The following TPGS2 variants were observed in gnomAD, a reference collection of about 807,000 sequenced individuals.
The protein encoded by TPGS2 is tubulin polyglutamylase complex subunit 2, also known as polyglutamylase subunit 2.
A neutral mutation model predicts 31.1 loss-of-function variants in TPGS2; 26 were observed. The observed-to-expected ratio is 0.84, with a 90% CI of 0.61 to 1.16. The LOEUF is 1.16. TPGS2 is among the 50% of genes most tolerant of loss of function. The pLI is 0.00. For synonymous variants in TPGS2, 130 were observed against 136.6 expected (o/e 0.95, Z 0.34); for missense variants, 351 against 363.8 (o/e 0.96, Z 0.29).
At chr18:36,780,138 T>G (rs79868677), downstream of TPGS2, 1,020 of 1,232,146 alleles carry the variant, frequency 8.3e-4, 9 homozygotes, top group East Asian at 0.026. Context: ...AAAACTCTTC[T>G]CAGTGTCCTC....
intron 6 of TPGS2, 88 bp from the exon 7 acceptor site, chr18:36,797,138 G>T: frequency 6.4e-7 from 1 of 1,562,914 alleles, no homozygotes; most frequent in South Asian, 1.3e-5. Flanking sequence ...GGAGAGTTGG[G>T]AACAGGAGGC....
Position 36,796,218 on chromosome 18 carries a change from C to A in TPGS2, c.*587G>T. The A allele has an allele frequency of 1.0e-6, 1 of 985,336 alleles. No homozygotes were observed. The highest frequency in any genetic ancestry group is 1.2e-6 in the Non-Finnish European group (1 of 829,912). 61.0% of individuals were successfully genotyped at this position (985,336 alleles called of 1,614,324 possible). A position where few individuals can be genotyped will look rare whatever the true frequency, so the allele number is the denominator to read the frequency against. ...CATCCAATGAAGACATCAACATTAA[C>A]AACAAAAATTAATTGAGGAAGAGCA... is the stretch of plus-strand genomic sequence containing the variant. On this transcript the variant is annotated 3_prime_UTR_variant, in exon 7 of 7. Transcript: ENST00000334295.
At chr18:36,782,909 C>G (rs1237917904), downstream of TPGS2, 7 of 392,298 alleles carry the variant, frequency 1.8e-5, no homozygotes, top group African/African-American at 4.1e-5. Context: ...TGCCACTTCT[C>G]TCTTTTTTCT....
chr18:36,810,168 A>G (rs903641449), intron 2 of TPGS2, among the ~76,000 whole-genome samples: 1 of 152,058 alleles, frequency 6.6e-6, no homozygotes, highest in African/African-American at 2.4e-5. Flanking sequence ...TGCCCCAAGC[A>G]CCCCTGGGGC....
intron 4 of TPGS2, among the ~76,000 whole-genome samples, chr18:36,802,209 T>C (rs989526357): frequency 6.6e-6 from 1 of 152,196 alleles, no homozygotes; most frequent in Non-Finnish European, 1.5e-5. Flanking sequence ...TTGGATGAAA[T>C]AAAAAGTCCA....
chr18:36,797,603 A>G (rs1030951502), intron 6 of TPGS2, among the ~76,000 whole-genome samples: 1 of 149,582 alleles, frequency 6.7e-6, no homozygotes, highest in Non-Finnish European at 1.5e-5. Context: ...TTGACCAGAT[A>G]AATGTTATAA....
chr18:36,827,474 A>G (rs1468878644), intron 1 of TPGS2, among the ~76,000 whole-genome samples: 1 of 152,248 alleles, frequency 6.6e-6, no homozygotes, highest in Admixed American at 6.5e-5. Context: ...AGCAAACTGC[A>G]AAAGCCCTGA....
intron 6 of TPGS2, among the ~76,000 whole-genome samples, chr18:36,785,383 TC>T (rs1380215384): frequency 6.6e-6 from 1 of 152,216 alleles, no homozygotes; most frequent in Non-Finnish European, 1.5e-5. Context: ...TAACTGGTCA[TC>T]CATCCCACAT....
At chr18:36,780,802 T>C (rs1277375437), downstream of TPGS2, among the ~76,000 whole-genome samples, 3 of 152,178 alleles carry the variant, frequency 2.0e-5, no homozygotes, top group Admixed American at 6.5e-5. Context: ...TGCCCCTCTA[T>C]AGGGCACTTA....
chr18:36,790,377 T>G (rs1052172855), downstream of TPGS2, among the ~76,000 whole-genome samples: 1 of 152,232 alleles, frequency 6.6e-6, no homozygotes, highest in African/African-American at 2.4e-5. Flanking sequence ...GATTATGTAG[T>G]TGGTTGGATA....
intron 6 of TPGS2, 62 bp from the exon 7 acceptor site, chr18:36,797,112 C>T: frequency 6.3e-7 from 1 of 1,581,390 alleles, no homozygotes; most frequent in Non-Finnish European, 8.5e-7. Context: ...TCTGTGTGCT[C>T]TTTTTGTGGG....
intron 6 of TPGS2, among the ~76,000 whole-genome samples, chr18:36,783,756 C>G (rs2044068424): frequency 6.6e-6 from 1 of 152,130 alleles, no homozygotes; most frequent in Non-Finnish European, 1.5e-5. Context: ...CACCAAATAC[C>G]ACTGTAACAG....
intron 3 of TPGS2, 35 bp from the exon 4 acceptor site, chr18:36,805,537 G>A (rs766350480): frequency 2.5e-6 from 4 of 1,612,744 alleles, no homozygotes; most frequent in Non-Finnish European, 2.5e-6. Context: ...ATTACATGGA[G>A]TAACAGCCTA....
downstream of TPGS2, chr18:36,780,051 A>T (rs982420352): frequency 5.5e-6 from 5 of 905,646 alleles, no homozygotes; most frequent in African/African-American, 8.6e-5. Flanking sequence ...ATAGAGTTTA[A>T]TGCCATAATG....
intron 5 of TPGS2, among the ~76,000 whole-genome samples, chr18:36,799,806 T>C (rs556865910): frequency 1.5e-3 from 236 of 152,290 alleles, no homozygotes; most frequent in Non-Finnish European, 2.8e-3. Flanking sequence ...CAGGGGTCTT[T>C]GGTCTAGTAA....
chr18:36,814,535 T>C (rs922024476), intron 2 of TPGS2, among the ~76,000 whole-genome samples: 3 of 152,232 alleles, frequency 2.0e-5, no homozygotes, highest in South Asian at 2.1e-4. Context: ...AGATTACACC[T>C]GGACGAGTCC....
At chr18:36,820,126 G>A (rs1395223595) in intron 1 of TPGS2, among the ~76,000 whole-genome samples, 3 of 152,198 alleles carry the variant, frequency 2.0e-5, no homozygotes, top group Non-Finnish European at 4.4e-5. Context: ...TGCAGCAATA[G>A]CCCAATATAG....
At chr18:36,786,829 C>G in intron 6 of TPGS2, 1 of 1,234,320 alleles carries the variant, frequency 8.1e-7, no homozygotes, top group Non-Finnish European at 1.0e-6. Context: ...TTCTCAGAAG[C>G]AACACCTAAC....
In TPGS2 at chr18:36,796,722, G is replaced by C. The variant is rs538484278; in HGVS notation, c.*83C>G. The stretch of plus-strand genomic sequence containing the variant: ...CTAGAAAGAGGCCTACGGTCCACAC[G>C]CAAAACTGGAGGTCACCCCTAGGGC... On this transcript the variant is annotated 3_prime_UTR_variant, in exon 7 of 7. Coordinates refer to ENST00000334295, the MANE Select transcript of TPGS2 (RefSeq NM_015476.4). 1.3e-6 allele frequency: 2 copies of C among 1,514,378 alleles called. No homozygotes were observed. The highest frequency in any genetic ancestry group is 2.5e-5 in the Admixed American group (1 of 39,838). The allele number at this position is 1,514,378 out of a possible 1,614,324, so 93.8% of individuals were successfully genotyped here.
Sources: allele counts gnomAD v4.1 joint callset (sites outside exome capture counted in the v4.1 genomes callset), GRCh38; gene constraint gnomAD v4.1.1; transcripts MANE v1.5; gene names NCBI Gene and HGNC (gene_info 2026-07-23, HGNC 2026-07-21).